Variants in TMEM178B observed in about 807,000 individuals in gnomAD.
The protein encoded by TMEM178B is transmembrane protein 178B.
A neutral mutation model predicts 31.0 loss-of-function variants in TMEM178B; 5 were observed. That is an observed-to-expected ratio of 0.16 (90% CI 0.08 to 0.34). The LOEUF (loss-of-function observed/expected upper bound fraction) is 0.34. TMEM178B is among the 10% of genes least tolerant of loss of function. TMEM178B has a pLI of 1.00. For synonymous variants in TMEM178B, 164 were observed against 164.0 expected, an observed-to-expected ratio of 1.00 and a Z score of 0.00; for missense variants, 275 against 400.3, an observed-to-expected ratio of 0.69 and a Z score of 2.67.
chr7:141,124,208 A>G (rs1795453452), intron 1 of TMEM178B, among the ~76,000 whole-genome samples: 1 of 152,124 alleles, frequency 6.6e-6, no homozygotes. Context: ...CTCTACTAAA[A>G]ATACAAAAAT....
At chr7:141,311,359 T>G (rs1406021920) in intron 2 of TMEM178B, among the ~76,000 whole-genome samples, 2 of 152,252 alleles carry the variant, frequency 1.3e-5, no homozygotes, top group East Asian at 3.8e-4. Flanking sequence ...GTTTTAATTT[T>G]AAATTAGTAG....
chr7:141,077,958 G>A (rs1169304688), intron 1 of TMEM178B, among the ~76,000 whole-genome samples: 2 of 152,146 alleles, frequency 1.3e-5, no homozygotes, highest in Non-Finnish European at 2.9e-5. Flanking sequence ...CATATCACTT[G>A]TGGACATTAT....
At chr7:141,454,761 C>T (rs1403437621) in intron 3 of TMEM178B, among the ~76,000 whole-genome samples, 1 of 152,076 alleles carries the variant, frequency 6.6e-6, no homozygotes, top group Non-Finnish European at 1.5e-5. Context: ...GACAATGGAA[C>T]AAGCCACAGT....
the TMEM178B span, among the ~76,000 whole-genome samples, chr7:141,509,739 C>CCCCTGTGA: frequency 6.6e-6 from 1 of 152,184 alleles, no homozygotes; most frequent in African/African-American, 2.4e-5. Flanking sequence ...CAACCCAGCT[C>CCCCTGTGA]CCCTGTGACC....
At chr7:141,276,510 A>G (rs1798268763) in intron 2 of TMEM178B, among the ~76,000 whole-genome samples, 1 of 152,142 alleles carries the variant, frequency 6.6e-6, no homozygotes. Context: ...AAGGAGAAGT[A>G]CTGAGCAAAA....
intron 1 of TMEM178B, among the ~76,000 whole-genome samples, chr7:141,184,049 G>T (rs1215499128): frequency 6.6e-6 from 1 of 152,206 alleles, no homozygotes; most frequent in Non-Finnish European, 1.5e-5. Context: ...GACATTCTTT[G>T]TGAGTTTTCT....
chr7:141,245,873 G>A (rs1400738578), intron 2 of TMEM178B, among the ~76,000 whole-genome samples: 1 of 152,226 alleles, frequency 6.6e-6, no homozygotes, highest in African/African-American at 2.4e-5. Flanking sequence ...TTATTGTGTG[G>A]AGACAGATGT....
chr7:141,449,900 G>C (rs1801833092), intron 3 of TMEM178B, among the ~76,000 whole-genome samples: 1 of 152,240 alleles, frequency 6.6e-6, no homozygotes, highest in South Asian at 2.1e-4. Context: ...ACTCTGGGAA[G>C]GTCTCAAAGC....
At chr7:141,341,151 A>G (rs1469765438) in intron 2 of TMEM178B, among the ~76,000 whole-genome samples, 1 of 152,216 alleles carries the variant, frequency 6.6e-6, no homozygotes, top group Admixed American at 6.5e-5. Flanking sequence ...TTATCTGCAC[A>G]CAAGCTGGAG....
intron 1 of TMEM178B, among the ~76,000 whole-genome samples, chr7:141,167,270 G>A (rs768425928): frequency 6.6e-6 from 1 of 152,172 alleles, no homozygotes; most frequent in Non-Finnish European, 1.5e-5. Flanking sequence ...TTAAGAAATC[G>A]CCTCTTCGCC....
chr7:141,131,637 A>C (rs1049047377), intron 1 of TMEM178B, among the ~76,000 whole-genome samples: 1 of 152,038 alleles, frequency 6.6e-6, no homozygotes, highest in African/African-American at 2.4e-5. Context: ...TGTTCTGTTT[A>C]TTTTTATTGC....
chr7:141,093,522 A>G (rs535811239), intron 1 of TMEM178B, among the ~76,000 whole-genome samples: 21 of 152,316 alleles, frequency 1.4e-4, no homozygotes, highest in South Asian at 1.0e-3. Flanking sequence ...CTGGGGATGT[A>G]AACAGAGGAG....
At chr7:141,343,281 A>G (rs1799550451) in intron 2 of TMEM178B, among the ~76,000 whole-genome samples, 2 of 152,214 alleles carry the variant, frequency 1.3e-5, no homozygotes, top group South Asian at 4.1e-4. Flanking sequence ...GACAAATGAA[A>G]CAGGACACCT....
intron 2 of TMEM178B, among the ~76,000 whole-genome samples, chr7:141,379,520 C>T (rs1586922563): frequency 6.6e-6 from 1 of 152,110 alleles, no homozygotes; most frequent in Non-Finnish European, 1.5e-5. Flanking sequence ...TGCCCCTCAG[C>T]AGGTTCATGA....
intron 1 of TMEM178B, among the ~76,000 whole-genome samples, chr7:141,100,700 T>C (rs554801579): frequency 6.6e-6 from 1 of 152,354 alleles, no homozygotes; most frequent in South Asian, 2.1e-4. Context: ...AAGGGCTGAC[T>C]GTATTGCACA....
the TMEM178B span, among the ~76,000 whole-genome samples, chr7:141,503,917 AG>A: frequency 6.6e-6 from 1 of 152,228 alleles, no homozygotes; most frequent in South Asian, 2.1e-4. Flanking sequence ...TTTGGAAGTT[AG>A]GGGAATAGCT....
chr7:141,154,048 G>C (rs1282968419), intron 1 of TMEM178B, among the ~76,000 whole-genome samples: 1 of 152,130 alleles, frequency 6.6e-6, no homozygotes, highest in Non-Finnish European at 1.5e-5. Flanking sequence ...ACACTTTCTA[G>C]GCATTGGGGC....
chr7:141,452,841 T>C (rs568342978), intron 3 of TMEM178B, among the ~76,000 whole-genome samples: 2 of 152,356 alleles, frequency 1.3e-5, no homozygotes, highest in East Asian at 1.9e-4. Context: ...TACACTTACA[T>C]CATTTCTCTG....
chr7:141,380,327 C>G (rs1040479428), intron 2 of TMEM178B, among the ~76,000 whole-genome samples: 2 of 152,134 alleles, frequency 1.3e-5, no homozygotes, highest in Non-Finnish European at 2.9e-5. Context: ...GAAGACCTTC[C>G]TAATTGAATA....
Sources: allele counts gnomAD v4.1 joint callset (sites outside exome capture counted in the v4.1 genomes callset), GRCh38; gene constraint gnomAD v4.1.1; transcripts MANE v1.5; gene names NCBI Gene and HGNC (gene_info 2026-07-23, HGNC 2026-07-21).